Variants in EGLN1 observed in about 807,000 individuals in gnomAD.
EGLN1 encodes egl-9 family hypoxia inducible factor 1.
In EGLN1, 17 loss-of-function variants were observed where a neutral mutation model predicts 38.3. The observed-to-expected ratio is 0.44, with a 90% CI of 0.30 to 0.67. The LOEUF (loss-of-function observed/expected upper bound fraction) is 0.67, where lower values mean the gene tolerates loss of function less well. Among genes scored for constraint, EGLN1 ranks in the 30% least tolerant of loss-of-function variants. The pLI, the probability that EGLN1 is intolerant of heterozygous loss-of-function variation, is 0.08. For synonymous variants in EGLN1, 283 were observed against 257.5 expected (o/e 1.10, Z -0.95); for missense variants, 477 against 603.3 (o/e 0.79, Z 2.19).
rs1253802469 is a variant in EGLN1, at chr1:231,373,698, GTGTGTA to G, written c.1011+276_1011+281del. On this transcript the variant is annotated intron_variant, in intron 2 of 4. Transcript: ENST00000366641. ...TGTGCGTGTGTGTGTGTGTGTGTGT[GTGTGTA>G]TGTGTGTGTGTTTAGAACACTGAAC... 0.033 allele frequency among the ~76,000 whole-genome samples: 4,559 copies of G among 139,242 alleles called. 251 individuals are homozygous for G. Among genetic ancestry groups the G allele is most frequent in the African/African-American group, 0.11 (4,321 of 38,146 alleles). 91.3% of individuals were successfully genotyped at this position (139,242 alleles called of 152,430 possible). A position where few individuals can be genotyped will look rare whatever the true frequency, so the allele number is the denominator to read the frequency against.
intron 1 of EGLN1, among the ~76,000 whole-genome samples, chr1:231,395,406 C>G (rs1268690721): frequency 9.8e-6 from 1 of 102,282 alleles, no homozygotes; most frequent in Non-Finnish European, 2.6e-5. Flanking sequence ...CTCCGTTAAG[C>G]AGTAAGAGCC....
chr1:231,403,069 T>C (rs1002151715), intron 1 of EGLN1, among the ~76,000 whole-genome samples: 1 of 152,330 alleles, frequency 6.6e-6, no homozygotes, highest in Admixed American at 6.5e-5. Context: ...ATTTTATTAC[T>C]GATTTCTAAT....
intron 1 of EGLN1, among the ~76,000 whole-genome samples, chr1:231,387,523 C>T (rs1256518809): frequency 1.3e-5 from 2 of 151,972 alleles, no homozygotes; most frequent in East Asian, 3.9e-4. Flanking sequence ...CCACGTCCGG[C>T]TAATTTTTTG....
intron 1 of EGLN1, among the ~76,000 whole-genome samples, chr1:231,396,923 A>G (rs1317356512): frequency 2.0e-5 from 3 of 151,346 alleles, no homozygotes; most frequent in Non-Finnish European, 4.4e-5. Flanking sequence ...TCTAATCTGT[A>G]TAACTCTCTC....
At chr1:231,403,444 A>C (rs573360595) in intron 1 of EGLN1, among the ~76,000 whole-genome samples, 1 of 152,132 alleles carries the variant, frequency 6.6e-6, no homozygotes, top group Non-Finnish European at 1.5e-5. Flanking sequence ...ATAAAGTCAT[A>C]AACAAAGCAG....
At chr1:231,398,531 T>C (rs757934432) in intron 1 of EGLN1, among the ~76,000 whole-genome samples, 4 of 152,240 alleles carry the variant, frequency 2.6e-5, no homozygotes, top group Non-Finnish European at 4.4e-5. Flanking sequence ...CGTATTTCTA[T>C]GGCTGCTTTC....
At position 231,366,480 on chromosome 1, in the gene EGLN1, A is replaced by C. The variant is rs1687649344; in HGVS notation, c.1217-5T>G. ...CAACCCTCACACCTTTTTCACCTGC[A>C]AGGTAAAAAAAAAAAAAATTTTCAT... On this transcript the variant is annotated splice_region_variant and splice_polypyrimidine_tract_variant and intron_variant, in intron 4 of 4. Coordinates refer to ENST00000366641, the MANE Select transcript of EGLN1 (RefSeq NM_022051.3). 1 of 1,613,012 alleles carries C rather than the reference A, an allele frequency of 6.2e-7. No individual in the cohort carries two copies. Among genetic ancestry groups the C allele is most frequent in the Admixed American group, 1.7e-5 (1 of 59,908 alleles).
At chr1:231,374,172 C>A in intron 1 of EGLN1, 73 bp from the exon 2 acceptor site, 3 of 1,422,050 alleles carry the variant, frequency 2.1e-6, no homozygotes, top group Non-Finnish European at 3.0e-6. Context: ...TAAATCAGAT[C>A]TCTGATTTTT....
At chr1:231,373,633 T>A (rs1687882391) in intron 2 of EGLN1, among the ~76,000 whole-genome samples, 1 of 152,094 alleles carries the variant, frequency 6.6e-6, no homozygotes, top group Admixed American at 6.5e-5. Context: ...AACATATCCA[T>A]CACCTCTCAA....
chr1:231,399,781 C>A (rs1688619709), intron 1 of EGLN1, among the ~76,000 whole-genome samples: 1 of 152,156 alleles, frequency 6.6e-6, no homozygotes. Context: ...ATCTAGGCAA[C>A]CCCCCTTTGC....
chr1:231,416,436 ATTT>A (rs34818710), intron 1 of EGLN1, among the ~76,000 whole-genome samples: 2 of 141,888 alleles, frequency 1.4e-5, no homozygotes, highest in Admixed American at 7.0e-5. Context: ...CAAAAAAAAA[ATTT>A]TTTTTTTTTT....
At position 231,420,988 on chromosome 1, in the gene EGLN1, A is replaced by G. The variant is rs768517166; in HGVS notation, c.891+10T>C. The stretch of plus-strand genomic sequence containing the variant: ...GGCCTGTCCAGCACAAACCCGCAGC[A>G]CACACTTACTTTCGTCCGGCCATTG... On this transcript the variant is annotated intron_variant, in intron 1 of 4. Coordinates refer to ENST00000366641, the MANE Select transcript of EGLN1 (RefSeq NM_022051.3). The G allele has an allele frequency of 2.5e-6, 4 of 1,613,624 alleles. No homozygotes were observed. The highest frequency in any genetic ancestry group is 3.4e-6 in the Non-Finnish European group (4 of 1,179,950).
In EGLN1 at chr1:231,421,235, G is replaced by A; in HGVS notation, c.654C>T (p.Thr218=). The A allele has an allele frequency of 6.2e-7, 1 of 1,613,914 alleles. No homozygotes were observed. The highest frequency in any genetic ancestry group is 8.5e-7 in the Non-Finnish European group (1 of 1,180,028). ...GCACCTCGTCGCCGATCTGCTGTCC[G>A]GTCTCCTTGCCGAGGAAGTCGTCCA... is the stretch of plus-strand genomic sequence containing the variant. ...CVVDDFLGKE[T]GQQIGDEVRA... is the part of the protein sequence containing the mutation. Residue 218 remains threonine (T), a synonymous_variant, in exon 1 of 5, where the codon ACC becomes ACT. Transcript: ENST00000366641. This position sits in a 1 kb window ranked among gnomAD's most constrained non-coding sequence, Gnocchi z 5.5.
chr1:231,373,687 T>C (rs926195097), intron 2 of EGLN1, among the ~76,000 whole-genome samples: 3 of 149,422 alleles, frequency 2.0e-5, no homozygotes, highest in Non-Finnish European at 2.9e-5. Flanking sequence ...CGTGTGTGTG[T>C]GTGTGTGTGT....
At chr1:231,408,942 G>A (rs1688859966) in intron 1 of EGLN1, among the ~76,000 whole-genome samples, 1 of 151,852 alleles carries the variant, frequency 6.6e-6, no homozygotes, top group African/African-American at 2.4e-5. Context: ...GGCTGGAACA[G>A]AAAGTATATG....
chr1:231,377,276 G>A lies in EGLN1; in HGVS notation c.892-3177C>T, dbSNP rs899034977. ...GGTTTAGAAAGGCTAATTAGTATTCGCAAAGTCACATGACAGGGAATCTGG... is the reference window on the plus strand; with the variant it reads ...GGTTTAGAAAGGCTAATTAGTATTCACAAAGTCACATGACAGGGAATCTGG... On this transcript the variant is annotated intron_variant, in intron 1 of 4. Transcript: ENST00000366641. Among the ~76,000 whole-genome samples, 14 of 152,094 alleles carry A rather than the reference G, an allele frequency of 9.2e-5. 1 individual carries two copies. Among genetic ancestry groups the A allele is most frequent in the Admixed American group, 8.5e-4 (13 of 15,274 alleles).
intron 1 of EGLN1, among the ~76,000 whole-genome samples, chr1:231,376,930 C>T (rs889496796): frequency 2.6e-5 from 4 of 152,074 alleles, no homozygotes; most frequent in Non-Finnish European, 5.9e-5. Context: ...ACAGCGAGCA[C>T]GGGCCAATGT....
chr1:231,384,900 A>AT lies in EGLN1; in HGVS notation c.892-10802dup, dbSNP rs1688161262. Among the ~76,000 whole-genome samples the AT allele has an allele frequency of 8.5e-5, 13 of 152,186 alleles. No homozygotes were observed. In the South Asian group the frequency reaches 2.7e-3, roughly 32 times the overall value. The stretch of plus-strand genomic sequence containing the variant: ...AGACCGTGCAGGCCACAAAACCTAA[A>AT]TTTTTTACCATCTGGCCCTTGACAT... On this transcript the variant is annotated intron_variant, in intron 1 of 4. Coordinates refer to ENST00000366641, the MANE Select transcript of EGLN1 (RefSeq NM_022051.3).
At chr1:231,410,197 G>A (rs1041542410) in intron 1 of EGLN1, among the ~76,000 whole-genome samples, 4 of 152,040 alleles carry the variant, frequency 2.6e-5, no homozygotes, top group African/African-American at 7.2e-5. Context: ...GTGATGGGAT[G>A]TCACTTCCAT....
Sources: allele counts gnomAD v4.1 joint callset (sites outside exome capture counted in the v4.1 genomes callset), GRCh38; gene constraint gnomAD v4.1.1; non-coding constraint Gnocchi (gnomAD v3.1); transcripts MANE v1.5; gene names NCBI Gene and HGNC (gene_info 2026-07-23, HGNC 2026-07-21).